The following DCC variants were observed in gnomAD, a reference collection of about 807,000 sequenced individuals.
DCC encodes DCC netrin 1 receptor, also known as netrin receptor DCC.
DCC carries 58 observed loss-of-function variants against 172.5 expected under a neutral mutation model. The ratio of observed to expected loss-of-function variants is 0.34; its 90% CI spans 0.27 to 0.42. The LOEUF is 0.42. Ranked by LOEUF, DCC falls within the 10% of genes least tolerant of loss-of-function variation. DCC has a pLI of 1.00. For synonymous variants in DCC, 709 were observed against 644.5 expected, an observed-to-expected ratio of 1.10 and a Z score of -1.52; for missense variants, 1,740 against 1,791.0, an observed-to-expected ratio of 0.97 and a Z score of 0.51.
chr18:52,546,452 T>G (rs1455979923), intron 1 of DCC, among the ~76,000 whole-genome samples: 1 of 152,146 alleles, frequency 6.6e-6, no homozygotes, highest in East Asian at 1.9e-4. Flanking sequence ...AGTAGATTTT[T>G]CTTCCTCTCT....
chr18:52,904,294 T>C (rs909531938), intron 2 of DCC, among the ~76,000 whole-genome samples: 1 of 152,210 alleles, frequency 6.6e-6, no homozygotes. Flanking sequence ...TAATGAGTGA[T>C]ATCCTTCAGC....
intron 1 of DCC, among the ~76,000 whole-genome samples, chr18:52,629,479 G>C (rs2034634356): frequency 6.6e-6 from 1 of 152,158 alleles, no homozygotes; most frequent in African/African-American, 2.4e-5. Flanking sequence ...CAACTAGCAA[G>C]TGTTGTGAGA....
rs969535689 is a variant in DCC at position 52,822,955 on chromosome 18, A to T, written c.412+70581A>T. ...GGTATTTTTTAAGAAAGTAAGTCAAAACATGAGAAAATGAACTTAAATAGC... is the reference window on the plus strand; with the variant it reads ...GGTATTTTTTAAGAAAGTAAGTCAATACATGAGAAAATGAACTTAAATAGC... On this transcript the variant is annotated intron_variant, in intron 2 of 28. Coordinates refer to ENST00000442544, the MANE Select transcript of DCC (RefSeq NM_005215.4). 7.2e-5 allele frequency among the ~76,000 whole-genome samples: 11 copies of T among 152,206 alleles called. 1 individual carries two copies. Among genetic ancestry groups the T allele is most frequent in the African/African-American group, 2.4e-4 (10 of 41,450 alleles).
At chr18:52,900,216 A>T (rs147678172) in intron 2 of DCC, among the ~76,000 whole-genome samples, 1 of 152,228 alleles carries the variant, frequency 6.6e-6, no homozygotes, top group Non-Finnish European at 1.5e-5. Flanking sequence ...AAATAGGGTA[A>T]AACCTTTACT....
chr18:53,524,529 G>A (rs2046433764), intron 27 of DCC, among the ~76,000 whole-genome samples: 1 of 151,940 alleles, frequency 6.6e-6, no homozygotes, highest in South Asian at 2.1e-4. Flanking sequence ...GCACTATAAG[G>A]TATGATGCTT....
intron 21 of DCC, among the ~76,000 whole-genome samples, chr18:53,420,119 T>C (rs942177833): frequency 5.9e-5 from 9 of 152,262 alleles, no homozygotes; most frequent in East Asian, 1.9e-4. Flanking sequence ...CCTCTTAAAG[T>C]GCTGGGATTC....
intron 1 of DCC, among the ~76,000 whole-genome samples, chr18:52,601,216 T>C (rs1322847347): frequency 6.6e-6 from 1 of 152,132 alleles, no homozygotes; most frequent in Admixed American, 6.6e-5. Context: ...AATTTATGTT[T>C]ACTTAATGTT....
chr18:52,447,051 C>A (rs540977698), intron 1 of DCC, among the ~76,000 whole-genome samples: 2 of 152,326 alleles, frequency 1.3e-5, no homozygotes, highest in South Asian at 4.1e-4. Flanking sequence ...TGAAACAATT[C>A]TTTTCTCCAT....
intron 27 of DCC, among the ~76,000 whole-genome samples, chr18:53,506,297 C>T (rs186317918): frequency 6.6e-4 from 101 of 152,108 alleles, no homozygotes; most frequent in Admixed American, 2.9e-3. Context: ...CAAACCAGAG[C>T]GACTTGTAAG....
At chr18:52,896,563 A>G (rs749443286) in intron 2 of DCC, among the ~76,000 whole-genome samples, 19 of 152,262 alleles carry the variant, frequency 1.2e-4, no homozygotes, top group Admixed American at 2.6e-4. Context: ...GAATCTAGAA[A>G]GACAACACCA....
intron 23 of DCC, among the ~76,000 whole-genome samples, chr18:53,452,112 G>C (rs2045422070): frequency 6.6e-6 from 1 of 152,198 alleles, no homozygotes; most frequent in Admixed American, 6.5e-5. Flanking sequence ...TAAGGCTCTG[G>C]AGGGGAAAGT....
chr18:53,421,855 T>C (rs1392925640), intron 21 of DCC, among the ~76,000 whole-genome samples: 2 of 152,230 alleles, frequency 1.3e-5, no homozygotes, highest in African/African-American at 4.8e-5. Context: ...GTGAAGCATC[T>C]CACATTTATG....
chr18:52,752,789 T>A (rs1418142425), intron 2 of DCC, among the ~76,000 whole-genome samples: 1 of 152,142 alleles, frequency 6.6e-6, no homozygotes, highest in Non-Finnish European at 1.5e-5. Context: ...ACCATTCTGC[T>A]CTCTAGTTCT....
At chr18:53,060,916 T>C (rs1220508714) in intron 5 of DCC, among the ~76,000 whole-genome samples, 1 of 152,074 alleles carries the variant, frequency 6.6e-6, no homozygotes, top group Non-Finnish European at 1.5e-5. Flanking sequence ...ACTACTCTAA[T>C]TGGAGAATAA....
chr18:53,234,911 TG>T (rs1568382502), intron 12 of DCC, among the ~76,000 whole-genome samples: 1 of 152,212 alleles, frequency 6.6e-6, no homozygotes, highest in Non-Finnish European at 1.5e-5. Flanking sequence ...TCTTCCTCCT[TG>T]TAAATATATT....
At chr18:52,649,110 A>T (rs892898179) in intron 1 of DCC, among the ~76,000 whole-genome samples, 62 of 152,194 alleles carry the variant, frequency 4.1e-4, no homozygotes, top group African/African-American at 1.4e-3. Flanking sequence ...GCGGTGGCTC[A>T]CGCCTGTAAT....
intron 12 of DCC, among the ~76,000 whole-genome samples, chr18:53,262,895 T>C (rs1025001550): frequency 1.3e-5 from 2 of 152,236 alleles, no homozygotes; most frequent in African/African-American, 4.8e-5. Context: ...TGAGAAGAGT[T>C]GTTCATTTGG....
intron 12 of DCC, among the ~76,000 whole-genome samples, chr18:53,256,288 C>T (rs891098886): frequency 1.1e-4 from 17 of 152,290 alleles, no homozygotes; most frequent in South Asian, 6.2e-4. Context: ...AGTCCTTGCC[C>T]GTGCCTATGC....
intron 2 of DCC, among the ~76,000 whole-genome samples, chr18:52,788,255 A>G (rs1489976096): frequency 2.0e-5 from 3 of 152,286 alleles, no homozygotes; most frequent in South Asian, 4.1e-4. Context: ...ACACCTTGCA[A>G]ATAAAACTGT....
Sources: gnomAD v4.1 joint callset for allele counts (sites outside exome capture counted in the v4.1 genomes callset) on GRCh38, gnomAD v4.1.1 for gene constraint, MANE v1.5 for transcripts, NCBI Gene and HGNC (gene_info 2026-07-23, HGNC 2026-07-21) for gene names.